DENND3: variants seen among roughly 807,000 people sequenced by gnomAD.
DENND3 encodes DENN domain-containing protein 3.
A neutral mutation model predicts 135.1 loss-of-function variants in DENND3; 88 were observed. The observed-to-expected ratio is 0.65, with a 90% CI of 0.55 to 0.78. The LOEUF is 0.78. Among genes scored for constraint, DENND3 ranks in the 30% least tolerant of loss-of-function variants. The probability of loss-of-function intolerance (pLI) is 0.00; values close to 1 mark genes in which losing one functional copy is unlikely to be tolerated. For missense variants in DENND3, 1,392 were observed against 1,688.4 expected (o/e 0.82, Z 3.08); for synonymous variants, 693 against 712.3 (o/e 0.97, Z 0.43).
intron 20 of DENND3, chr8:141,191,791 C>T (rs796815450): frequency 4.6e-5 from 7 of 152,934 alleles, no homozygotes; most frequent in African/African-American, 1.7e-4. Context: ...TCCTTCTTCC[C>T]CTCATCTGTT....
intron 4 of DENND3, chr8:141,142,381 G>A: frequency 2.2e-6 from 1 of 456,988 alleles, no homozygotes. Context: ...CTGAATTGGT[G>A]CTGTTCTTGC....
intron 7 of DENND3, among the ~76,000 whole-genome samples, chr8:141,153,590 A>G (rs1216751320): frequency 6.6e-6 from 1 of 152,188 alleles, no homozygotes. Context: ...GGGCCCGGCC[A>G]GGGTCCCCGC....
chr8:141,153,054 C>T (rs934773248), intron 7 of DENND3, among the ~76,000 whole-genome samples: 16 of 148,708 alleles, frequency 1.1e-4, no homozygotes, highest in Admixed American at 2.0e-4. Flanking sequence ...TGTACAGGGT[C>T]GGTTTACATT....
chr8:141,173,288 C>T (rs142328893), intron 13 of DENND3, among the ~76,000 whole-genome samples: 2 of 152,352 alleles, frequency 1.3e-5, no homozygotes, highest in East Asian at 3.9e-4. Context: ...GAGACCCTTA[C>T]TGGTGCATAT....
intron 16 of DENND3, among the ~76,000 whole-genome samples, chr8:141,180,510 C>T (rs975996459): frequency 4.6e-5 from 7 of 152,060 alleles, no homozygotes; most frequent in Admixed American, 3.9e-4. Flanking sequence ...GTGGTGTGGA[C>T]ACAGGTGGGG....
Position 141,141,120 on chromosome 8 carries a change from T to C in DENND3, c.502-83T>C, listed in dbSNP as rs1444425727. On this transcript the variant is annotated intron_variant, in intron 3 of 22. Transcript: ENST00000519811. The surrounding 1 kb of genome is among the most constrained non-coding windows in gnomAD (Gnocchi z 5.3). ...GATGGTGGACTCTCAGCTTGCTGTG[T>C]GCTGAAACGTGACCCAGTTGGAAAC... The C allele has an allele frequency of 4.4e-6, 7 of 1,598,982 alleles. No homozygotes were observed. Among genetic ancestry groups the C allele is most frequent in the Non-Finnish European group, 6.0e-6 (7 of 1,170,594 alleles).
At chr8:141,187,347 C>T (rs1408759068) in intron 18 of DENND3, among the ~76,000 whole-genome samples, 7 of 151,826 alleles carry the variant, frequency 4.6e-5, no homozygotes, top group South Asian at 2.1e-4. Flanking sequence ...CTGGACCTCC[C>T]GAGTAGCTGG....
In DENND3 at chr8:141,175,246, C is replaced by T; in HGVS notation, c.2322C>T (p.Asn774=). 6 of 1,614,174 alleles carry T rather than the reference C, an allele frequency of 3.7e-6. No homozygotes were observed. The highest frequency in any genetic ancestry group is 4.2e-6 in the Non-Finnish European group (5 of 1,180,020). The change falls in exon 14 of 23, where the codon AAC becomes AAT. Residue 774 remains asparagine, a synonymous_variant. Coordinates refer to ENST00000519811, the MANE Select transcript of DENND3 (RefSeq NM_001352890.3). This position sits in a 1 kb window ranked among gnomAD's most constrained non-coding sequence, Gnocchi z 5.4. ...CAGAAACATTCAAAGATTTCTACAA[C>T]TGCTGGAAGGAGACGGAAGCAGAAG... ...IDPETFKDFY[N]CWKETEAEAQ...
rs151051292 is a variant in DENND3 at position 141,132,500 on chromosome 8, G to A, written c.102+3691G>A. Among the ~76,000 whole-genome samples the A allele has an allele frequency of 2.8e-3, 420 of 152,216 alleles. 12 individuals are homozygous for A. The East Asian group carries it at 0.067, about 24-fold the overall frequency. Reference sequence around the variant, plus strand: ...AGCCTCCCGAGTAGCTGGGATTACAGGCATGTACGACTATGCCTGGCTAAT... The same window carrying A: ...AGCCTCCCGAGTAGCTGGGATTACAAGCATGTACGACTATGCCTGGCTAAT... On this transcript the variant is annotated intron_variant, in intron 1 of 22. Coordinates refer to ENST00000519811, the MANE Select transcript of DENND3 (RefSeq NM_001352890.3).
rs745331274 is a variant in DENND3 at position 141,136,743 on chromosome 8, G to A, written c.337G>A (p.Val113Ile). Residue 113 changes from valine to isoleucine, a missense_variant, in exon 2 of 23, where the codon GTC becomes ATC. Val to Ile is a conservative substitution (Grantham distance 29). Transcript: ENST00000519811. ...AGCGCCAGAGCCTGAGGATGTCGCCGTCCCGGGCGGCGTGGACCTCCTCAC... is the reference window on the plus strand; with the variant it reads ...AGCGCCAGAGCCTGAGGATGTCGCCATCCCGGGCGGCGTGGACCTCCTCAC... The part of the protein sequence containing the change: ...PRAPEPEDVA[V>I]PGGVDLLTLP... 50 of 1,600,220 alleles carry A rather than the reference G, an allele frequency of 3.1e-5. No homozygotes were observed. Among genetic ancestry groups the A allele is most frequent in the Non-Finnish European group, 4.0e-5 (47 of 1,174,112 alleles).
chr8:141,190,674 TCCTGTCCC>T, intron 20 of DENND3: 1 of 436,870 alleles, frequency 2.3e-6, no homozygotes, highest in Admixed American at 4.5e-5. Flanking sequence ...ACCACTGCTC[TCCTGTCCC>T]TCACCTTGGC....
chr8:141,187,906 G>C (rs545661563), intron 18 of DENND3, among the ~76,000 whole-genome samples: 1 of 152,080 alleles, frequency 6.6e-6, no homozygotes, highest in African/African-American at 2.4e-5. Flanking sequence ...GCATTTCAAG[G>C]CTGGGCGCAG....
At chr8:141,155,780 G>A in intron 7 of DENND3, 69 bp from the exon 8 acceptor site, 1 of 1,506,282 alleles carries the variant, frequency 6.6e-7, no homozygotes, top group Non-Finnish European at 8.9e-7. Context: ...ATATTTATGT[G>A]TTTTCAAAGA....
At chr8:141,183,327 C>T (rs1292116158) in intron 17 of DENND3, among the ~76,000 whole-genome samples, 2 of 152,146 alleles carry the variant, frequency 1.3e-5, no homozygotes, top group African/African-American at 4.8e-5. Flanking sequence ...CTCACTGCAA[C>T]CTCTGCCTCC....
intron 7 of DENND3, among the ~76,000 whole-genome samples, chr8:141,152,640 TA>T (rs1168992998): frequency 6.6e-6 from 1 of 152,252 alleles, no homozygotes; most frequent in Non-Finnish European, 1.5e-5. Context: ...GTCGTCGTGA[TA>T]AAATCTTCAT....
At chr8:141,189,193 G>C in intron 19 of DENND3, 47 bp downstream of exon 19, 2 of 1,612,834 alleles carry the variant, frequency 1.2e-6, no homozygotes, top group Non-Finnish European at 1.7e-6. Context: ...GCTTGTGGGT[G>C]GGCAGAAGGC....
In DENND3 at chr8:141,166,541, C is replaced by A; in HGVS notation, c.1753+152C>A. The A allele has an allele frequency of 1.1e-6, 1 of 877,590 alleles. No homozygotes were observed. Among genetic ancestry groups the A allele is most frequent in the Non-Finnish European group, 1.7e-6 (1 of 591,030 alleles). 54.4% of individuals were successfully genotyped at this position (877,590 alleles called of 1,614,324 possible). A position where few individuals can be genotyped will look rare whatever the true frequency, so the allele number is the denominator to read the frequency against. ...TGAAATGTTTAGAATATTCATTTTG[C>A]CAAGGTATGCCTTCTAGAAAATTAT... On this transcript the variant is annotated intron_variant, in intron 12 of 22. Coordinates refer to ENST00000519811, the MANE Select transcript of DENND3 (RefSeq NM_001352890.3). The surrounding 1 kb of genome is among the most constrained non-coding windows in gnomAD (Gnocchi z 4.3).
chr8:141,129,298 G>T (rs997444125), intron 1 of DENND3, among the ~76,000 whole-genome samples: 1 of 152,196 alleles, frequency 6.6e-6, no homozygotes, highest in African/African-American at 2.4e-5. Context: ...TGAGTAGTGG[G>T]TTTTGCACCA....
intron 1 of DENND3, 42 bp from the exon 2 acceptor site, chr8:141,136,467 A>T: frequency 6.6e-7 from 1 of 1,504,436 alleles, no homozygotes; most frequent in South Asian, 1.3e-5. Flanking sequence ...CTCGAACAAG[A>T]GCTGAGGCTG....
Sources: allele counts gnomAD v4.1 joint callset (sites outside exome capture counted in the v4.1 genomes callset), GRCh38; gene constraint gnomAD v4.1.1; non-coding constraint Gnocchi (gnomAD v3.1); transcripts MANE v1.5; gene names NCBI Gene and HGNC (gene_info 2026-07-23, HGNC 2026-07-21).